The following DPYSL2 variants were observed in gnomAD, a reference collection of about 807,000 sequenced individuals.
DPYSL2 encodes the protein dihydropyrimidinase-related protein 2.
A neutral mutation model predicts 69.9 loss-of-function variants in DPYSL2; 13 were observed. That is an observed-to-expected ratio of 0.19 (90% CI 0.12 to 0.30). DPYSL2 has a LOEUF of 0.30. Among genes scored for constraint, DPYSL2 ranks in the 10% least tolerant of loss-of-function variants. The probability of loss-of-function intolerance (pLI) is 1.00; values close to 1 mark genes in which losing one functional copy is unlikely to be tolerated. For synonymous variants in DPYSL2, 326 were observed against 359.1 expected (o/e 0.91, Z 1.04); for missense variants, 587 against 918.9 (o/e 0.64, Z 4.67).
chr8:26,642,520 C>A lies in DPYSL2; in HGVS notation c.1127-919C>A, dbSNP rs1242403060. Among the ~76,000 whole-genome samples, 1 of 152,016 alleles carries A rather than the reference C, an allele frequency of 6.6e-6. No individual in the cohort carries two copies. Among genetic ancestry groups the A allele is most frequent in the African/African-American group, 2.4e-5 (1 of 41,380 alleles). The stretch of plus-strand genomic sequence containing the variant: ...GCGGAATGAATGGAGAGGTAGGAAG[C>A]GGGGTTGGGAGAGCAAACGTAAATC... On this transcript the variant is annotated intron_variant, in intron 8 of 13. Transcript: ENST00000521913. This position sits in a 1 kb window ranked among gnomAD's most constrained non-coding sequence, Gnocchi z 5.3.
In DPYSL2 at chr8:26,514,047, C is replaced by G; in HGVS notation, c.-279C>G. ...ACTGGCAGCCTTTCGGCTCCCGCAG[C>G]CGCAGCGGACGCCCTCCCAGATCCA... is the stretch of plus-strand genomic sequence containing the variant. On this transcript the variant is annotated 5_prime_UTR_variant, in exon 1 of 14. Transcript: ENST00000521913. The surrounding 1 kb of genome is among the most constrained non-coding windows in gnomAD (Gnocchi z 8.4). 3.4e-6 allele frequency: 1 copy of G among 295,360 alleles called. No individual in the cohort carries two copies. The highest frequency in any genetic ancestry group is 6.2e-6 in the Non-Finnish European group (1 of 160,754). The allele number at this position is 295,360 out of a possible 1,614,324, so 18.3% of individuals were successfully genotyped here.
chr8:26,573,895 ATTTT>A (rs11340126), intron 1 of DPYSL2, among the ~76,000 whole-genome samples: 1 of 139,390 alleles, frequency 7.2e-6, no homozygotes. Context: ...TGCATTGGGG[ATTTT>A]TTTTTTTTTT....
chr8:26,561,224 T>G (rs1304179060), intron 1 of DPYSL2, among the ~76,000 whole-genome samples: 1 of 152,152 alleles, frequency 6.6e-6, no homozygotes, highest in African/African-American at 2.4e-5. Flanking sequence ...TACTCTCCAT[T>G]CTTGGTGTCC....
chr8:26,528,055 C>T (rs1184854617), intron 1 of DPYSL2, among the ~76,000 whole-genome samples: 1 of 152,140 alleles, frequency 6.6e-6, no homozygotes, highest in Non-Finnish European at 1.5e-5. Context: ...TCTCCTCGAC[C>T]TCCCAAAGTG....
At chr8:26,545,061 G>A (rs774144441) in intron 1 of DPYSL2, among the ~76,000 whole-genome samples, 2 of 152,174 alleles carry the variant, frequency 1.3e-5, no homozygotes, top group African/African-American at 2.4e-5. Flanking sequence ...TACATTAATA[G>A]TAGGGGACTT....
chr8:26,590,392 G>A, intron 3 of DPYSL2, among the ~76,000 whole-genome samples: 1 of 152,214 alleles, frequency 6.6e-6, no homozygotes, highest in East Asian at 1.9e-4. Context: ...CAGATGCCGG[G>A]AGCCTGGGTC....
chr8:26,554,709 C>T (rs1800917595), intron 1 of DPYSL2, among the ~76,000 whole-genome samples: 1 of 152,048 alleles, frequency 6.6e-6, no homozygotes, highest in African/African-American at 2.4e-5. Context: ...GTAAATCATA[C>T]CAATTCTCTA....
In DPYSL2 at chr8:26,586,406, C is replaced by T. The variant is rs763795100; in HGVS notation, c.628+2423C>T. ...TCAAGTACATGTTGCTCAGCAGATA[C>T]AGAAAGTCCCTGTTTTCTCTCACAC... On this transcript the variant is annotated intron_variant, in intron 3 of 13. Transcript: ENST00000521913. The surrounding 1 kb of genome is among the most constrained non-coding windows in gnomAD (Gnocchi z 4.7). Among the ~76,000 whole-genome samples the T allele has an allele frequency of 5.3e-5, 8 of 152,202 alleles. No individual in the cohort carries two copies. The highest frequency in any genetic ancestry group is 1.2e-4 in the Non-Finnish European group (8 of 68,046).
chr8:26,549,555 G>C (rs890840696), intron 1 of DPYSL2, among the ~76,000 whole-genome samples: 13 of 152,056 alleles, frequency 8.5e-5, no homozygotes, highest in Admixed American at 5.9e-4. Context: ...CATACCACAG[G>C]TACAGGAAGC....
In DPYSL2 at chr8:26,641,135, G is replaced by C. The variant is rs17055585; in HGVS notation, c.1127-2304G>C. Among the ~76,000 whole-genome samples, 5,446 of 152,250 alleles carry C rather than the reference G, an allele frequency of 0.036. 300 individuals carry two copies. The highest frequency in any genetic ancestry group is 0.12 in the African/African-American group (5,082 of 41,530). ...CCCTCCTTGTACTTAAGTTTCTAGA[G>C]GCAGGGCCGAGGAGCAGGCACAGGG... On this transcript the variant is annotated intron_variant, in intron 8 of 13. Coordinates refer to ENST00000521913, the MANE Select transcript of DPYSL2 (RefSeq NM_001197293.3). The surrounding 1 kb of genome is among the most constrained non-coding windows in gnomAD (Gnocchi z 4.1).
chr8:26,514,254 C>T lies in DPYSL2; in HGVS notation c.-72C>T, dbSNP rs910821898. ...CGGCAGCAGCTAGGGGGCTTGTGCACACAGCGAGGGAGACTTAGGGACTGG... is the reference window on the plus strand; with the variant it reads ...CGGCAGCAGCTAGGGGGCTTGTGCATACAGCGAGGGAGACTTAGGGACTGG... On this transcript the variant is annotated 5_prime_UTR_variant, in exon 1 of 14. Transcript: ENST00000521913. This position sits in a 1 kb window ranked among gnomAD's most constrained non-coding sequence, Gnocchi z 8.4. 44 of 1,314,522 alleles carry T rather than the reference C, an allele frequency of 3.3e-5. No homozygotes were observed. The African/African-American group carries it at 3.9e-4, about 12-fold the overall frequency. The allele number at this position is 1,314,522 out of a possible 1,614,324, so 81.4% of individuals were successfully genotyped here. A position where few individuals can be genotyped will look rare whatever the true frequency, so the allele number is the denominator to read the frequency against.
In DPYSL2 at chr8:26,641,840, G is replaced by A. The variant is rs1278457602; in HGVS notation, c.1127-1599G>A. 2.0e-5 allele frequency among the ~76,000 whole-genome samples: 3 copies of A among 152,316 alleles called. No individual in the cohort carries two copies. The highest frequency in any genetic ancestry group is 4.8e-5 in the African/African-American group (2 of 41,572). On this transcript the variant is annotated intron_variant, in intron 8 of 13. Transcript: ENST00000521913. The surrounding 1 kb of genome is among the most constrained non-coding windows in gnomAD (Gnocchi z 4.1). ...CTCCAGCACTCCCCAGCTGAACAGC[G>A]AGTCCTTTGTGAAATTCCTGAGGCA...
At chr8:26,553,133 T>C (rs1471045166) in intron 1 of DPYSL2, among the ~76,000 whole-genome samples, 2 of 152,196 alleles carry the variant, frequency 1.3e-5, no homozygotes, top group Non-Finnish European at 2.9e-5. Context: ...AATAGACCTA[T>C]TGCTATTAAA....
chr8:26,645,642 C>T (rs1045799245), intron 10 of DPYSL2, among the ~76,000 whole-genome samples: 23 of 152,224 alleles, frequency 1.5e-4, no homozygotes, highest in African/African-American at 4.8e-4. Flanking sequence ...CTCCGTCTCC[C>T]GGGTTCAAGC....
chr8:26,529,283 CT>C (rs57732698), intron 1 of DPYSL2, among the ~76,000 whole-genome samples: 57,309 of 111,288 alleles, frequency 0.51, 13,170 homozygotes, highest in East Asian at 0.66. Flanking sequence ...TATCATCTAT[CT>C]ATCTATCTAT....
intron 1 of DPYSL2, among the ~76,000 whole-genome samples, chr8:26,536,215 C>G (rs1351923832): frequency 6.6e-6 from 1 of 151,084 alleles, no homozygotes; most frequent in Non-Finnish European, 1.5e-5. Context: ...GCTAGGATTA[C>G]AGGTGTGAGC....
chr8:26,577,421 C>T (rs1801375905), intron 1 of DPYSL2: 1 of 150,104 alleles, frequency 6.7e-6, no homozygotes, highest in Non-Finnish European at 1.5e-5. Context: ...CCCTCCCGGG[C>T]TGCGCGGCGC....
rs561350569 is a variant in DPYSL2 at position 26,571,918 on chromosome 8, C to T, written c.355-10051C>T. 6.6e-6 allele frequency among the ~76,000 whole-genome samples: 1 copy of T among 152,360 alleles called. No individual in the cohort carries two copies. Among genetic ancestry groups the T allele is most frequent in the East Asian group, 1.9e-4 (1 of 5,192 alleles). On this transcript the variant is annotated intron_variant, in intron 1 of 13. Transcript: ENST00000521913. The surrounding 1 kb of genome is among the most constrained non-coding windows in gnomAD (Gnocchi z 6.1). ...AACGATCGTCATTGCCTGATTCCATCTGCAGTGAAGAAGGCATCACTTCCA... is the reference window on the plus strand; with the variant it reads ...AACGATCGTCATTGCCTGATTCCATTTGCAGTGAAGAAGGCATCACTTCCA...
intron 1 of DPYSL2, among the ~76,000 whole-genome samples, chr8:26,579,924 CT>C (rs67626321): frequency 0.013 from 1,472 of 115,488 alleles, 21 homozygotes; most frequent in African/African-American, 0.047. Context: ...ATCAACAAGA[CT>C]TTTTTTTTTT....
Sources: gnomAD v4.1 joint callset for allele counts (sites outside exome capture counted in the v4.1 genomes callset) on GRCh38, gnomAD v4.1.1 for gene constraint, Gnocchi (gnomAD v3.1) non-coding constraint, MANE v1.5 for transcripts, NCBI Gene and HGNC (gene_info 2026-07-23, HGNC 2026-07-21) for gene names.